The following CDYL2 variants were observed in gnomAD, a reference collection of about 807,000 sequenced individuals.
CDYL2 encodes chromodomain Y-like protein 2.
CDYL2 carries 23 observed loss-of-function variants against 49.4 expected under a neutral mutation model. That is an observed-to-expected ratio of 0.47 (90% CI 0.34 to 0.66). The LOEUF (loss-of-function observed/expected upper bound fraction) is 0.66, where lower values mean the gene tolerates loss of function less well. Among genes scored for constraint, CDYL2 ranks in the 30% least tolerant of loss-of-function variants. The pLI is 0.01. For synonymous variants in CDYL2, 360 were observed against 268.8 expected (o/e 1.34, Z -3.32); for missense variants, 678 against 656.4 (o/e 1.03, Z -0.36).
intron 1 of CDYL2, among the ~76,000 whole-genome samples, chr16:80,705,447 C>T (rs1904373750): frequency 6.6e-6 from 1 of 152,242 alleles, no homozygotes; most frequent in Non-Finnish European, 1.5e-5. Flanking sequence ...CCACTGCTTC[C>T]TTCTAGGGAG....
At chr16:80,768,136 A>G (rs1906787048) in intron 1 of CDYL2, among the ~76,000 whole-genome samples, 1 of 152,184 alleles carries the variant, frequency 6.6e-6, no homozygotes, top group Non-Finnish European at 1.5e-5. Context: ...CCCTAGCCTG[A>G]TGACTTCACA....
At chr16:80,658,994 T>C (rs746991741) in intron 2 of CDYL2, among the ~76,000 whole-genome samples, 56 of 152,238 alleles carry the variant, frequency 3.7e-4, no homozygotes, top group African/African-American at 5.1e-4. Flanking sequence ...ATGGCAGTAA[T>C]AGATTATAAA....
At chr16:80,673,746 T>G (rs921828861) in intron 2 of CDYL2, among the ~76,000 whole-genome samples, 1 of 152,168 alleles carries the variant, frequency 6.6e-6, no homozygotes, top group Non-Finnish European at 1.5e-5. Flanking sequence ...GACCTATGAA[T>G]GTGGTACCTG....
At chr16:80,693,693 A>G (rs1299511216) in intron 1 of CDYL2, among the ~76,000 whole-genome samples, 2 of 152,194 alleles carry the variant, frequency 1.3e-5, no homozygotes, top group African/African-American at 4.8e-5. Context: ...ATGATTACCA[A>G]TCGGCTACAC....
chr16:80,733,147 G>A (rs1310859425), intron 1 of CDYL2, among the ~76,000 whole-genome samples: 1 of 152,200 alleles, frequency 6.6e-6, no homozygotes, highest in Non-Finnish European at 1.5e-5. Context: ...GGGCAAGGTT[G>A]AGGCAGTTCC....
intron 1 of CDYL2, among the ~76,000 whole-genome samples, chr16:80,785,768 T>C (rs545889958): frequency 6.6e-6 from 1 of 152,232 alleles, no homozygotes; most frequent in East Asian, 1.9e-4. Context: ...AACAGAGATA[T>C]AGACCAATGG....
At chr16:80,675,128 G>A (rs1567566075) in intron 2 of CDYL2, among the ~76,000 whole-genome samples, 1 of 152,230 alleles carries the variant, frequency 6.6e-6, no homozygotes, top group African/African-American at 2.4e-5. Context: ...GCAGGCCCAG[G>A]GGTGTTGGCC....
intron 1 of CDYL2, among the ~76,000 whole-genome samples, chr16:80,690,592 C>G (rs1277907131): frequency 1.3e-5 from 2 of 152,192 alleles, no homozygotes; most frequent in African/African-American, 4.8e-5. Context: ...TCTAATGCAT[C>G]TTGGCTCCAA....
At chr16:80,704,254 C>T (rs151203436) in intron 1 of CDYL2, among the ~76,000 whole-genome samples, 13 of 152,342 alleles carry the variant, frequency 8.5e-5, no homozygotes, top group African/African-American at 2.9e-4. Flanking sequence ...AGAATTTACA[C>T]AGAAGCACTT....
chr16:80,660,324 T>C (rs1908990397), intron 2 of CDYL2, among the ~76,000 whole-genome samples: 1 of 151,942 alleles, frequency 6.6e-6, no homozygotes, highest in African/African-American at 2.4e-5. Flanking sequence ...AAAATAATAG[T>C]AAGATGTGGA....
chr16:80,701,795 G>A (rs1468676929), intron 1 of CDYL2, among the ~76,000 whole-genome samples: 1 of 152,172 alleles, frequency 6.6e-6, no homozygotes, highest in Non-Finnish European at 1.5e-5. Flanking sequence ...TTACAAAATG[G>A]TTCTCAAGTA....
At chr16:80,756,971 C>G (rs1370508227) in intron 1 of CDYL2, among the ~76,000 whole-genome samples, 1 of 152,006 alleles carries the variant, frequency 6.6e-6, no homozygotes. Flanking sequence ...TAGTCTCAAA[C>G]TAACAGCCAA....
intron 2 of CDYL2, among the ~76,000 whole-genome samples, chr16:80,683,153 T>G (rs879256700): frequency 1.3e-5 from 2 of 152,198 alleles, no homozygotes; most frequent in African/African-American, 4.8e-5. Flanking sequence ...CCATTCCCCC[T>G]GCATCCAAGC....
chr16:80,767,090 TACACAC>T (rs1294582495), intron 1 of CDYL2, among the ~76,000 whole-genome samples: 2 of 151,516 alleles, frequency 1.3e-5, no homozygotes, highest in African/African-American at 4.8e-5. Flanking sequence ...ATTGCTCACA[TACACAC>T]ACACACACCA....
Position 80,600,341 on chromosome 16 carries a change from G to T in CDYL2, c.*4047C>A, listed in dbSNP as rs886230413. 1 of 152,076 alleles carries T rather than the reference G, an allele frequency of 6.6e-6. No individual in the cohort carries two copies. Among genetic ancestry groups the T allele is most frequent in the Non-Finnish European group, 1.5e-5 (1 of 68,008 alleles). 9.4% of individuals were successfully genotyped at this position (152,076 alleles called of 1,614,324 possible). A position where few individuals can be genotyped will look rare whatever the true frequency, so the allele number is the denominator to read the frequency against. ...AAAACGCATATCCTAACTTATCACA[G>T]AAATATAAAAGTTTATATTTTGAAA... is the stretch of plus-strand genomic sequence containing the variant. On this transcript the variant is annotated 3_prime_UTR_variant, in exon 7 of 7. Coordinates refer to ENST00000570137, the MANE Select transcript of CDYL2 (RefSeq NM_152342.4).
At chr16:80,630,725 A>G (rs1023319783) in intron 3 of CDYL2, among the ~76,000 whole-genome samples, 2 of 152,162 alleles carry the variant, frequency 1.3e-5, no homozygotes, top group African/African-American at 4.8e-5. Context: ...CCAAAGCTTT[A>G]GCCACAGTGC....
intron 1 of CDYL2, among the ~76,000 whole-genome samples, chr16:80,715,427 C>G (rs1295572454): frequency 6.6e-6 from 1 of 152,156 alleles, no homozygotes; most frequent in South Asian, 2.1e-4. Context: ...GGGCCCTCAT[C>G]CTTACCTCCA....
chr16:80,786,515 G>A (rs369458964), intron 1 of CDYL2, among the ~76,000 whole-genome samples: 60 of 152,310 alleles, frequency 3.9e-4, no homozygotes, highest in African/African-American at 1.3e-3. Context: ...CACTGTCGAT[G>A]GGAGTGTAAA....
chr16:80,612,840 G>A lies in CDYL2; in HGVS notation c.1008-4C>T. On this transcript the variant is annotated splice_polypyrimidine_tract_variant and splice_region_variant and intron_variant, in intron 4 of 6. Transcript: ENST00000570137. The surrounding 1 kb of genome is among the most constrained non-coding windows in gnomAD (Gnocchi z 5.0). Reference sequence around the variant, plus strand: ...GATAAAGGCCTTCACAAAGTCCCTGGGAGAGAAAGAAGATCCTCTTGAACA... The same window carrying A: ...GATAAAGGCCTTCACAAAGTCCCTGAGAGAGAAAGAAGATCCTCTTGAACA... 6.2e-7 allele frequency: 1 copy of A among 1,603,138 alleles called. No individual in the cohort carries two copies. The highest frequency in any genetic ancestry group is 8.5e-7 in the Non-Finnish European group (1 of 1,174,156).
Sources: gnomAD v4.1 joint callset for allele counts (sites outside exome capture counted in the v4.1 genomes callset) on GRCh38, gnomAD v4.1.1 for gene constraint, Gnocchi (gnomAD v3.1) non-coding constraint, MANE v1.5 for transcripts, NCBI Gene and HGNC (gene_info 2026-07-23, HGNC 2026-07-21) for gene names.